Variants in NRXN1 observed in about 807,000 individuals in gnomAD.
The protein encoded by NRXN1 is neurexin 1, also known as neurexin-1.
NRXN1 carries 39 observed loss-of-function variants against 150.9 expected under a neutral mutation model. The observed-to-expected ratio is 0.26, with a 90% CI of 0.20 to 0.34. The LOEUF is 0.34. Ranked by LOEUF, NRXN1 falls within the 10% of genes least tolerant of loss-of-function variation. NRXN1 has a pLI of 1.00. For synonymous variants in NRXN1, 924 were observed against 757.0 expected (o/e 1.22, Z -3.62); for missense variants, 1,815 against 1,949.9 (o/e 0.93, Z 1.30).
intron 5 of NRXN1, among the ~76,000 whole-genome samples, chr2:50,898,834 A>G (rs970686373): frequency 6.6e-6 from 1 of 151,952 alleles, no homozygotes; most frequent in African/African-American, 2.4e-5. Flanking sequence ...TAACCAGAAT[A>G]AAAGATTTCT....
chr2:50,864,758 T>C (rs1418961627), intron 5 of NRXN1, among the ~76,000 whole-genome samples: 1 of 152,010 alleles, frequency 6.6e-6, no homozygotes, highest in Non-Finnish European at 1.5e-5. Context: ...AAATTTGCAG[T>C]ATCTGTGAGA....
At chr2:50,531,098 A>G (rs2093089743) in intron 11 of NRXN1, 129 bp downstream of exon 11, 1 of 659,730 alleles carries the variant, frequency 1.5e-6, no homozygotes, top group Non-Finnish European at 2.5e-6. Flanking sequence ...AAATTACTTT[A>G]AATGATGGAA....
At chr2:50,175,113 G>A (rs1046846281) in intron 18 of NRXN1, 2 of 152,052 alleles carry the variant, frequency 1.3e-5, no homozygotes, top group African/African-American at 4.8e-5. Flanking sequence ...TCTAAGCATG[G>A]GCCTCATGAT....
At chr2:50,784,497 T>C (rs528436720) in intron 5 of NRXN1, among the ~76,000 whole-genome samples, 2 of 151,854 alleles carry the variant, frequency 1.3e-5, no homozygotes, top group East Asian at 3.9e-4. Flanking sequence ...ACATGGTGAG[T>C]ATGAAAAAAC....
chr2:50,855,655 A>T (rs1389647802), intron 5 of NRXN1, among the ~76,000 whole-genome samples: 3 of 152,084 alleles, frequency 2.0e-5, no homozygotes, highest in Non-Finnish European at 2.9e-5. Flanking sequence ...AGTAATTAGG[A>T]AAAGAACTTC....
chr2:50,983,647 C>A (rs1697195979), intron 2 of NRXN1, among the ~76,000 whole-genome samples: 1 of 152,046 alleles, frequency 6.6e-6, no homozygotes, highest in African/African-American at 2.4e-5. Context: ...GGGAACTTTT[C>A]TTATTTAGAT....
At chr2:50,405,634 CTA>C (rs1558674833) in intron 17 of NRXN1, among the ~76,000 whole-genome samples, 1 of 152,098 alleles carries the variant, frequency 6.6e-6, no homozygotes, top group African/African-American at 2.4e-5. Flanking sequence ...CCTTTCTTCA[CTA>C]TGTTTCTGAC....
At chr2:50,816,051 C>A (rs977115841) in intron 5 of NRXN1, among the ~76,000 whole-genome samples, 4 of 152,084 alleles carry the variant, frequency 2.6e-5, no homozygotes, top group African/African-American at 7.2e-5. Context: ...TTAGTGCAAC[C>A]AAAACACTTG....
At chr2:50,372,632 T>G (rs150014560) in intron 17 of NRXN1, among the ~76,000 whole-genome samples, 2 of 152,242 alleles carry the variant, frequency 1.3e-5, no homozygotes, top group East Asian at 1.9e-4. Context: ...GTTTTTCTAT[T>G]TCAAATGTCA....
At chr2:50,167,285 C>A (rs528191318) in intron 18 of NRXN1, among the ~76,000 whole-genome samples, 11 of 152,238 alleles carry the variant, frequency 7.2e-5, no homozygotes, top group Admixed American at 3.9e-4. Flanking sequence ...TTTAGTATAT[C>A]TCTAGGGAAT....
At chr2:49,970,391 C>G (rs916813201) in intron 21 of NRXN1, 1 of 152,052 alleles carries the variant, frequency 6.6e-6, no homozygotes, top group South Asian at 2.1e-4. Context: ...TATAAACTAT[C>G]TCTCATATAT....
At chr2:50,885,836 C>A (rs1219699334) in intron 5 of NRXN1, among the ~76,000 whole-genome samples, 1 of 150,938 alleles carries the variant, frequency 6.6e-6, no homozygotes, top group Non-Finnish European at 1.5e-5. Flanking sequence ...CACACACACA[C>A]ACACACACAC....
chr2:50,945,194 G>C (rs1286667832), intron 2 of NRXN1, among the ~76,000 whole-genome samples: 2 of 152,174 alleles, frequency 1.3e-5, no homozygotes, highest in Non-Finnish European at 2.9e-5. Context: ...AAACATATAG[G>C]CTGAGCTCAT....
chr2:50,693,052 G>A (rs1223701571), intron 5 of NRXN1, among the ~76,000 whole-genome samples: 2 of 152,062 alleles, frequency 1.3e-5, no homozygotes, highest in African/African-American at 4.8e-5. Flanking sequence ...ATGCAAAGTC[G>A]AGAAACTTAC....
chr2:51,011,087 T>C (rs1667784418), intron 2 of NRXN1, among the ~76,000 whole-genome samples: 1 of 152,118 alleles, frequency 6.6e-6, no homozygotes, highest in Non-Finnish European at 1.5e-5. Context: ...TGGCGCTTTT[T>C]AATATTTTCA....
At chr2:50,521,812 T>C (rs955704695) in intron 12 of NRXN1, among the ~76,000 whole-genome samples, 1 of 152,170 alleles carries the variant, frequency 6.6e-6, no homozygotes, top group Non-Finnish European at 1.5e-5. Context: ...TCTATTCTAA[T>C]GACAGCTATT....
chr2:50,834,505 T>TAGGGTAACTAA (rs1234988966), intron 5 of NRXN1, among the ~76,000 whole-genome samples: 2 of 152,142 alleles, frequency 1.3e-5, no homozygotes, highest in Non-Finnish European at 2.9e-5. Flanking sequence ...GTGACTTTTT[T>TAGGGTAACTAA]GGAAAGTTAC....
At chr2:50,959,013 T>G (rs1399849197) in intron 2 of NRXN1, among the ~76,000 whole-genome samples, 1 of 152,130 alleles carries the variant, frequency 6.6e-6, no homozygotes, top group East Asian at 1.9e-4. Context: ...TCAGAATTTT[T>G]GTGTCTACAT....
chr2:50,916,865 T>C (rs1685280103), intron 5 of NRXN1: 1 of 151,662 alleles, frequency 6.6e-6, no homozygotes, highest in African/African-American at 2.4e-5. Context: ...TGTAACAAGA[T>C]TGGTTAAATC....
Sources: allele counts gnomAD v4.1 joint callset (sites outside exome capture counted in the v4.1 genomes callset), GRCh38; gene constraint gnomAD v4.1.1; transcripts MANE v1.5; gene names NCBI Gene and HGNC (gene_info 2026-07-23, HGNC 2026-07-21).